PTPN2: variants seen among roughly 807,000 people sequenced by gnomAD.
PTPN2 encodes the protein protein tyrosine phosphatase non-receptor type 2, also known as tyrosine-protein phosphatase non-receptor type 2.
A neutral mutation model predicts 57.3 loss-of-function variants in PTPN2; 19 were observed. The ratio of observed to expected loss-of-function variants is 0.33; its 90% CI spans 0.23 to 0.49. The LOEUF (loss-of-function observed/expected upper bound fraction) is 0.49. Ranked by LOEUF, PTPN2 falls within the 20% of genes least tolerant of loss-of-function variation. The probability of loss-of-function intolerance (pLI) is 0.99; values close to 1 mark genes in which losing one functional copy is unlikely to be tolerated. For missense variants in PTPN2, 358 were observed against 501.1 expected, an observed-to-expected ratio of 0.71 and a Z score of 2.73; for synonymous variants, 153 against 164.9, an observed-to-expected ratio of 0.93 and a Z score of 0.55.
intron 5 of PTPN2, among the ~76,000 whole-genome samples, chr18:12,821,973 C>G (rs1027602339): frequency 6.6e-6 from 1 of 152,102 alleles, no homozygotes; most frequent in Non-Finnish European, 1.5e-5. Context: ...CTTCCAACCC[C>G]TTCGAAGTTA....
downstream of PTPN2, chr18:12,787,742 A>T (rs1349216762): frequency 6.6e-6 from 1 of 152,236 alleles, no homozygotes; most frequent in Non-Finnish European, 1.5e-5. Context: ...TAATAGATTC[A>T]CTTGAATCAA....
intron 1 of PTPN2, among the ~76,000 whole-genome samples, chr18:12,876,377 G>C (rs1445454433): frequency 9.3e-6 from 1 of 107,410 alleles, no homozygotes; most frequent in Admixed American, 8.6e-5. Flanking sequence ...TGAGGCAAAG[G>C]ACCACTTGAG....
chr18:12,816,710 C>G (rs562376459), intron 6 of PTPN2, among the ~76,000 whole-genome samples: 7 of 152,162 alleles, frequency 4.6e-5, no homozygotes, highest in Non-Finnish European at 8.8e-5. Context: ...CAGAAAACAT[C>G]AGGGACTCTT....
chr18:12,858,474 C>T (rs1032638321), intron 2 of PTPN2, among the ~76,000 whole-genome samples: 10 of 152,096 alleles, frequency 6.6e-5, no homozygotes, highest in African/African-American at 2.4e-4. Flanking sequence ...GTGTATACAT[C>T]ATAATCTAAA....
chr18:12,806,604 C>G (rs1054327719), intron 7 of PTPN2, among the ~76,000 whole-genome samples: 1 of 151,990 alleles, frequency 6.6e-6, no homozygotes, highest in African/African-American at 2.4e-5. Context: ...GGTATAAAGA[C>G]CAATAAAACA....
intron 7 of PTPN2, among the ~76,000 whole-genome samples, chr18:12,812,429 A>G (rs962069055): frequency 2.6e-5 from 4 of 152,110 alleles, no homozygotes; most frequent in Admixed American, 2.6e-4. Flanking sequence ...GTGAAACCCC[A>G]TCTCTACTAA....
chr18:12,862,395 G>C (rs537960972), intron 1 of PTPN2: 1 of 152,388 alleles, frequency 6.6e-6, no homozygotes, highest in Non-Finnish European at 1.5e-5. Context: ...CTGACCTTAA[G>C]TGATCCGCCC....
intron 1 of PTPN2, among the ~76,000 whole-genome samples, chr18:12,879,291 A>G (rs1442592906): frequency 6.6e-6 from 1 of 152,160 alleles, no homozygotes; most frequent in Non-Finnish European, 1.5e-5. Context: ...GGGATGAGCC[A>G]CCGCCTGGCC....
At chr18:12,812,034 T>C (rs930488339) in intron 7 of PTPN2, among the ~76,000 whole-genome samples, 20 of 152,342 alleles carry the variant, frequency 1.3e-4, no homozygotes, top group Admixed American at 1.1e-3. Flanking sequence ...ATTAGTAATA[T>C]CAAATTACCA....
In PTPN2 at chr18:12,871,963, G is replaced by A. The variant is rs924459551; in HGVS notation, c.69+12110C>T. Among the ~76,000 whole-genome samples, 6 of 151,674 alleles carry A rather than the reference G, an allele frequency of 4.0e-5. No homozygotes were observed. In the East Asian group the frequency reaches 7.7e-4, roughly 20 times the overall value. On this transcript the variant is annotated intron_variant, in intron 1 of 8. Coordinates refer to ENST00000309660, the MANE Select transcript of PTPN2 (RefSeq NM_002828.4). The stretch of plus-strand genomic sequence containing the variant: ...CTGAGGAGGCTGAGGCAGGAGAATC[G>A]CTTGAACTCAGCATGCAGAGGTTGC...
chr18:12,851,012 T>C (rs1016716375), intron 2 of PTPN2, among the ~76,000 whole-genome samples: 20 of 152,072 alleles, frequency 1.3e-4, no homozygotes, highest in Non-Finnish European at 1.0e-4. Context: ...AGTGCTGGGA[T>C]TACAGGCGTG....
chr18:12,866,236 A>T (rs1324178479), intron 1 of PTPN2, among the ~76,000 whole-genome samples: 1 of 152,130 alleles, frequency 6.6e-6, no homozygotes, highest in East Asian at 1.9e-4. Flanking sequence ...CAGGAGATCG[A>T]GACCATCCTG....
intron 7 of PTPN2, among the ~76,000 whole-genome samples, chr18:12,805,329 T>C (rs59368414): frequency 0.15 from 23,316 of 151,698 alleles, 2,016 homozygotes; most frequent in African/African-American, 0.22. Flanking sequence ...TGGTGGTGCA[T>C]GCCTGTAATC....
At chr18:12,832,359 C>T (rs2042700207) in intron 3 of PTPN2, among the ~76,000 whole-genome samples, 1 of 152,074 alleles carries the variant, frequency 6.6e-6, no homozygotes, top group East Asian at 1.9e-4. Context: ...TCAAGTGATC[C>T]ACCTGCCTCA....
At chr18:12,866,887 C>T (rs1185266937) in intron 1 of PTPN2, among the ~76,000 whole-genome samples, 1 of 151,962 alleles carries the variant, frequency 6.6e-6, no homozygotes, top group Non-Finnish European at 1.5e-5. Context: ...CACCTGTAGT[C>T]CCAGCTACTC....
At chr18:12,866,698 T>G (rs1172380759) in intron 1 of PTPN2, among the ~76,000 whole-genome samples, 1 of 151,990 alleles carries the variant, frequency 6.6e-6, no homozygotes, top group Admixed American at 6.6e-5. Flanking sequence ...ACCTTTTAGG[T>G]GAATTTTATG....
At chr18:12,836,127 G>A (rs907077546) in intron 3 of PTPN2, among the ~76,000 whole-genome samples, 2 of 152,300 alleles carry the variant, frequency 1.3e-5, no homozygotes, top group African/African-American at 4.8e-5. Context: ...ATCTTTAGGG[G>A]GAAAGACAGC....
At chr18:12,815,771 C>T (rs1396828014) in intron 6 of PTPN2, among the ~76,000 whole-genome samples, 1 of 152,164 alleles carries the variant, frequency 6.6e-6, no homozygotes, top group East Asian at 1.9e-4. Flanking sequence ...AGAGATGCAA[C>T]GTCTGAAATG....
At chr18:12,810,943 G>A (rs1030090317) in intron 7 of PTPN2, among the ~76,000 whole-genome samples, 6 of 151,410 alleles carry the variant, frequency 4.0e-5, no homozygotes, top group African/African-American at 1.2e-4. Flanking sequence ...TTAGATGACT[G>A]TCTATTTTCT....
Sources: allele counts gnomAD v4.1 joint callset (sites outside exome capture counted in the v4.1 genomes callset), GRCh38; gene constraint gnomAD v4.1.1; transcripts MANE v1.5; gene names NCBI Gene and HGNC (gene_info 2026-07-23, HGNC 2026-07-21).